SMG6: variants seen among roughly 807,000 people sequenced by gnomAD.
The protein encoded by SMG6 is SMG6 nonsense mediated mRNA decay factor.
A neutral mutation model predicts 142.2 loss-of-function variants in SMG6; 66 were observed. That is an observed-to-expected ratio of 0.46 (90% confidence interval 0.38 to 0.57). SMG6 has a LOEUF of 0.57. Among genes scored for constraint, SMG6 ranks in the 20% least tolerant of loss-of-function variants. The probability of loss-of-function intolerance (pLI) is 0.00; values close to 1 mark genes in which losing one functional copy is unlikely to be tolerated. For missense variants in SMG6, 1,793 were observed against 1,832.0 expected (o/e 0.98, Z 0.39); for synonymous variants, 779 against 702.4 (o/e 1.11, Z -1.72).
At chr17:2,226,206 C>T (rs71359150) in intron 10 of SMG6, among the ~76,000 whole-genome samples, 6,395 of 149,210 alleles carry the variant, frequency 0.043, 209 homozygotes, top group Non-Finnish European at 0.066. Flanking sequence ...ACTAGAGAGA[C>T]AGAGGTTGCA....
chr17:2,254,767 G>A (rs1401728266), intron 8 of SMG6, among the ~76,000 whole-genome samples: 1 of 152,164 alleles, frequency 6.6e-6, no homozygotes, highest in Non-Finnish European at 1.5e-5. Context: ...AAAGCACAGT[G>A]CACAAGCTGT....
intron 10 of SMG6, among the ~76,000 whole-genome samples, chr17:2,206,337 G>C (rs1191616960): frequency 6.6e-6 from 1 of 151,588 alleles, no homozygotes; most frequent in Non-Finnish European, 1.5e-5. Flanking sequence ...ATTAACCCCA[G>C]CACTTTGGGA....
At chr17:2,220,482 T>C (rs142974161) in intron 10 of SMG6, among the ~76,000 whole-genome samples, 7 of 152,140 alleles carry the variant, frequency 4.6e-5, no homozygotes, top group African/African-American at 1.7e-4. Flanking sequence ...AATAAAAAAT[T>C]AGCTGAGCGT....
chr17:2,065,412 G>A, intron 17 of SMG6, 56 bp downstream of exon 17: 1 of 1,544,320 alleles, frequency 6.5e-7, no homozygotes, highest in Non-Finnish European at 8.8e-7. Context: ...TTCCTTCCTG[G>A]AGACCTTGTT....
intron 4 of SMG6, among the ~76,000 whole-genome samples, chr17:2,295,917 A>C (rs1309620182): frequency 1.3e-5 from 2 of 151,986 alleles, no homozygotes; most frequent in Non-Finnish European, 2.9e-5. Flanking sequence ...CCTCACACCA[A>C]ATCAGTCAAC....
intron 13 of SMG6, among the ~76,000 whole-genome samples, chr17:2,138,271 T>C (rs1029339681): frequency 6.6e-6 from 1 of 152,078 alleles, no homozygotes; most frequent in African/African-American, 2.4e-5. Flanking sequence ...ATGTAAAGGT[T>C]AGGGAAATGA....
intron 4 of SMG6, among the ~76,000 whole-genome samples, chr17:2,296,468 G>GC (rs1430965702): frequency 6.6e-6 from 1 of 152,144 alleles, no homozygotes; most frequent in Admixed American, 6.6e-5. Context: ...CAGCCCCCAG[G>GC]CCGCGGACTG....
At chr17:2,116,955 C>T (rs2069526577) in intron 13 of SMG6, among the ~76,000 whole-genome samples, 1 of 151,816 alleles carries the variant, frequency 6.6e-6, no homozygotes, top group Non-Finnish European at 1.5e-5. Context: ...TGGCCAATAG[C>T]AGAAGAAAAG....
At chr17:2,092,297 T>C (rs1042611152) in intron 13 of SMG6, among the ~76,000 whole-genome samples, 7 of 152,196 alleles carry the variant, frequency 4.6e-5, no homozygotes, top group African/African-American at 7.2e-5. Flanking sequence ...AGTCCTATGG[T>C]TGGCCTGTGC....
chr17:2,291,125 G>A (rs566051650), intron 6 of SMG6, among the ~76,000 whole-genome samples: 87 of 152,154 alleles, frequency 5.7e-4, no homozygotes, highest in African/African-American at 7.2e-4. Context: ...AGGTCAGGAG[G>A]TCGAGACCAT....
intron 10 of SMG6, among the ~76,000 whole-genome samples, chr17:2,222,052 T>C (rs2073184582): frequency 6.6e-6 from 1 of 152,198 alleles, no homozygotes; most frequent in Admixed American, 6.5e-5. Flanking sequence ...ATTCTTTGAC[T>C]TGAACTTGAT....
chr17:2,276,384 C>T (rs1039678701), intron 8 of SMG6, among the ~76,000 whole-genome samples: 1 of 152,216 alleles, frequency 6.6e-6, no homozygotes, highest in African/African-American at 2.4e-5. Context: ...TTACAACTGT[C>T]CAGCAAACGT....
intron 13 of SMG6, among the ~76,000 whole-genome samples, chr17:2,168,105 T>A (rs2151640961): frequency 6.6e-6 from 1 of 152,206 alleles, no homozygotes; most frequent in African/African-American, 2.4e-5. Context: ...TGGTCTCAAG[T>A]GCTCCTCCCA....
intron 13 of SMG6, among the ~76,000 whole-genome samples, chr17:2,126,119 A>G (rs1031824154): frequency 6.6e-6 from 1 of 152,158 alleles, no homozygotes; most frequent in Non-Finnish European, 1.5e-5. Context: ...AGAACAGAAA[A>G]CCTAGAAGTA....
intron 13 of SMG6, among the ~76,000 whole-genome samples, chr17:2,129,039 T>C (rs2070010672): frequency 6.6e-6 from 1 of 152,210 alleles, no homozygotes. Flanking sequence ...AAGAAAATGA[T>C]AGTTTTAAAT....
chr17:2,160,461 C>G (rs559160964), intron 13 of SMG6, among the ~76,000 whole-genome samples: 1 of 152,170 alleles, frequency 6.6e-6, no homozygotes, highest in Non-Finnish European at 1.5e-5. Flanking sequence ...TCTGGTGAAC[C>G]GCCTGCCTCG....
intron 13 of SMG6, among the ~76,000 whole-genome samples, chr17:2,128,841 G>C (rs2070000354): frequency 6.7e-6 from 1 of 149,036 alleles, no homozygotes; most frequent in African/African-American, 2.5e-5. Context: ...AAAAGAGAGA[G>C]AGAGAAAGAA....
chr17:2,161,105 CTTTT>C (rs34928313), intron 13 of SMG6, among the ~76,000 whole-genome samples: 1 of 132,660 alleles, frequency 7.5e-6, no homozygotes, highest in African/African-American at 2.8e-5. Flanking sequence ...ATAACTGACC[CTTTT>C]TTTTTTTTTT....
At chr17:2,168,806 TG>T (rs1293894192) in intron 13 of SMG6, among the ~76,000 whole-genome samples, 1 of 152,006 alleles carries the variant, frequency 6.6e-6, no homozygotes, top group Non-Finnish European at 1.5e-5. Flanking sequence ...TAGAGTGCAG[TG>T]GCACGATCTT....
Sources: allele counts gnomAD v4.1 joint callset (sites outside exome capture counted in the v4.1 genomes callset), GRCh38; gene constraint gnomAD v4.1.1; transcripts MANE v1.5; gene names NCBI Gene and HGNC (gene_info 2026-07-23, HGNC 2026-07-21).